NLRP1: variants seen among roughly 807,000 people sequenced by gnomAD.
NLRP1 encodes the protein NACHT, LRR and PYD domains-containing protein 1.
Under a neutral mutation model 136.7 loss-of-function variants are expected in NLRP1, and 94 were observed. The observed-to-expected ratio is 0.69, with a 90% CI of 0.58 to 0.82. The LOEUF (loss-of-function observed/expected upper bound fraction) is 0.82, where lower values mean the gene tolerates loss of function less well. Among genes scored for constraint, NLRP1 ranks in the 40% least tolerant of loss-of-function variants. The pLI, the probability that NLRP1 is intolerant of heterozygous loss-of-function variation, is 0.00. For synonymous variants in NLRP1, 690 were observed against 725.1 expected, an observed-to-expected ratio of 0.95 and a Z score of 0.78; for missense variants, 1,575 against 1,802.7, an observed-to-expected ratio of 0.87 and a Z score of 2.29.
intron 8 of NLRP1, 90 bp from the exon 9 acceptor site, chr17:5,534,078 C>T (rs1235288589): frequency 9.9e-6 from 9 of 913,380 alleles, no homozygotes; most frequent in Admixed American, 1.7e-5. Flanking sequence ...AACTCCTCCT[C>T]GGGTCGGGTG....
chr17:5,553,630 C>G lies in NLRP1; in HGVS notation c.2358-74G>C, dbSNP rs1383188958. 26 of 1,390,432 alleles carry G rather than the reference C, an allele frequency of 1.9e-5. No homozygotes were observed. In the East Asian group the frequency reaches 6.0e-4, roughly 32 times the overall value. 86.1% of individuals were successfully genotyped at this position (1,390,432 alleles called of 1,614,324 possible). A position where few individuals can be genotyped will look rare whatever the true frequency, so the allele number is the denominator to read the frequency against. On this transcript the variant is annotated intron_variant, in intron 4 of 16. Transcript: ENST00000572272. ...GTTTGAGGTGCCCAGCCCTGCACAACACAGTTGGGCTTTGTCCCCCTGAGC... is the reference window on the plus strand; with the variant it reads ...GTTTGAGGTGCCCAGCCCTGCACAAGACAGTTGGGCTTTGTCCCCCTGAGC...
Position 5,541,959 on chromosome 17 carries a change from G to A in NLRP1, c.2597C>T (p.Thr866Ile). Residue 866 changes from threonine (T) to isoleucine (I), a missense_variant, in exon 6 of 17, where the codon ACC (threonine) becomes ATC (isoleucine). Coordinates refer to ENST00000572272, the MANE Select transcript of NLRP1 (RefSeq NM_033004.4). This position sits in a 1 kb window ranked among gnomAD's most constrained non-coding sequence, Gnocchi z 4.2. ...GAAGCTCAGGTCCAGCTCGGTCAGG[G>A]TCTGGTTGGCTCTCAGCCCAAAGGC... is the stretch of plus-strand genomic sequence containing the variant. ...DLAFGLRANQ[T>I]LTELDLSFNV... The A allele has an allele frequency of 1.9e-6, 3 of 1,614,138 alleles. 1 individual carries two copies. The African/African-American group carries it at 4.0e-5, about 22-fold the overall frequency.
downstream of NLRP1, among the ~76,000 whole-genome samples, chr17:5,511,617 C>G (rs889652919): frequency 2.0e-5 from 3 of 152,032 alleles, no homozygotes. Context: ...CGGCAACTAA[C>G]GTGAGGACTT....
intron 5 of NLRP1, among the ~76,000 whole-genome samples, chr17:5,547,582 T>C (rs1370702644): frequency 6.6e-6 from 1 of 152,198 alleles, no homozygotes; most frequent in Admixed American, 6.5e-5. Context: ...TGGAGTTGTT[T>C]GGGTTTGAGA....
At chr17:5,579,230 T>G (rs1416732941) in intron 3 of NLRP1, among the ~76,000 whole-genome samples, 1 of 150,832 alleles carries the variant, frequency 6.6e-6, no homozygotes, top group Admixed American at 6.6e-5. Context: ...CTGCATGTTG[T>G]GCACATGTAC....
chr17:5,558,830 A>G lies in NLRP1; in HGVS notation c.1866T>C (p.Ile622=), dbSNP rs1819767676. Reference sequence around the variant, plus strand: ...CAAAGAACTCTTGGAAACAGAGGTGAATGAAGCTGTAGCTCAGAGGGATGG... The same window carrying G: ...CAAAGAACTCTTGGAAACAGAGGTGGATGAAGCTGTAGCTCAGAGGGATGG... The part of the protein sequence containing the change: ...EHPIPLSYSF[I]HLCFQEFFAA... Residue 622 remains isoleucine, a synonymous_variant, in exon 4 of 17, where the codon ATT becomes ATC. Transcript: ENST00000572272. 6.2e-7 allele frequency: 1 copy of G among 1,614,096 alleles called. No homozygotes were observed. The highest frequency in any genetic ancestry group is 1.7e-5 in the Admixed American group (1 of 60,008).
intron 14 of NLRP1, among the ~76,000 whole-genome samples, chr17:5,520,178 T>C (rs1908721177): frequency 6.6e-6 from 1 of 152,168 alleles, no homozygotes; most frequent in Non-Finnish European, 1.5e-5. Flanking sequence ...TTGTATTAGC[T>C]GTTTATGACC....
intron 14 of NLRP1, 67 bp downstream of exon 14, chr17:5,520,814 C>G: frequency 7.0e-7 from 1 of 1,422,566 alleles, no homozygotes; most frequent in Non-Finnish European, 9.4e-7. Flanking sequence ...TGAGACCTGC[C>G]CCACAGGCAT....
chr17:5,540,488 G>C (rs1911729400), intron 6 of NLRP1, among the ~76,000 whole-genome samples: 1 of 152,118 alleles, frequency 6.6e-6, no homozygotes, highest in Non-Finnish European at 1.5e-5. Flanking sequence ...TGCAGTCCAA[G>C]CTTGTAAATG....
Position 5,572,713 on chromosome 17 carries a change from A to G in NLRP1, c.652+9146T>C, listed in dbSNP as rs1052334745. On this transcript the variant is annotated intron_variant, in intron 3 of 16. Transcript: ENST00000572272. ...TGACAGTGTGATACTTTGTCTCAGA[A>G]AAAAAAAAAAAAAAAAGTGGACAAA... is the stretch of plus-strand genomic sequence containing the variant. 9.4e-3 allele frequency among the ~76,000 whole-genome samples: 241 copies of G among 25,746 alleles called. 1 individual carries two copies. The highest frequency in any genetic ancestry group is 0.025 in the Middle Eastern group (1 of 40). The allele number at this position is 25,746 out of a possible 152,430, so 16.9% of individuals were successfully genotyped here. A position where few individuals can be genotyped will look rare whatever the true frequency, so the allele number is the denominator to read the frequency against.
chr17:5,501,746 ACTCAGGC>A, exon 16 of NLRP1: 1 of 1,321,428 alleles, frequency 7.6e-7, no homozygotes, highest in Admixed American at 1.7e-5. Context: ...CCTGCGGTCT[ACTCAGGC>A]CTCCTTGTCA....
chr17:5,571,094 T>C (rs77077561), intron 3 of NLRP1, among the ~76,000 whole-genome samples: 2,700 of 152,216 alleles, frequency 0.018, 73 homozygotes, highest in African/African-American at 0.062. Flanking sequence ...AAACTAGACA[T>C]TGAAGGAGCA....
chr17:5,570,965 A>G (rs1455255377), intron 3 of NLRP1, among the ~76,000 whole-genome samples: 1 of 152,210 alleles, frequency 6.6e-6, no homozygotes, highest in East Asian at 1.9e-4. Flanking sequence ...ACATATGCAA[A>G]TCAATAAATG....
rs772408655 is a variant in NLRP1, at chr17:5,532,002, G to GT, written c.3296+819_3296+820insA. Among the ~76,000 whole-genome samples, 132 of 152,336 alleles carry GT rather than the reference G, an allele frequency of 8.7e-4. 2 individuals are homozygous for GT. Among genetic ancestry groups the GT allele is most frequent in the Non-Finnish European group, 1.4e-3 (95 of 68,032 alleles). Reference sequence around the variant, plus strand: ...TCACGCCTGTAATCCCAGCACTTTGGGAGGCTGAGGAAGGTGGATCGTCTG... The same window carrying GT: ...TCACGCCTGTAATCCCAGCACTTTGGTGAGGCTGAGGAAGGTGGATCGTCTG... On this transcript the variant is annotated intron_variant, in intron 11 of 16. Coordinates refer to ENST00000572272, the MANE Select transcript of NLRP1 (RefSeq NM_033004.4).
At chr17:5,540,637 G>A (rs543264683) in intron 6 of NLRP1, among the ~76,000 whole-genome samples, 9 of 152,304 alleles carry the variant, frequency 5.9e-5, no homozygotes, top group South Asian at 2.1e-4. Context: ...GAATCTCTCC[G>A]AGATCCAATC....
chr17:5,539,428 G>T lies in NLRP1; in HGVS notation c.2857C>A (p.Leu953Ile), dbSNP rs1325431899. ...ACAGGGCCTTACCCCAGGCGTATGAGTTTGCAGGCAGGATGCCTGAGCCCC... is the reference window on the plus strand; with the variant it reads ...ACAGGGCCTTACCCCAGGCGTATGATTTTGCAGGCAGGATGCCTGAGCCCC... ...CEGLRHPACK[L>I]IRLGLDQTTL... The change falls in exon 7 of 17, where the codon CTC becomes ATC. Residue 953 changes from leucine to isoleucine, a missense_variant. Leu to Ile is a conservative substitution (Grantham distance 5, BLOSUM62 2). Coordinates refer to ENST00000572272, the MANE Select transcript of NLRP1 (RefSeq NM_033004.4). 2 of 1,613,262 alleles carry T rather than the reference G, an allele frequency of 1.2e-6. No individual in the cohort carries two copies. Among genetic ancestry groups the T allele is most frequent in the Non-Finnish European group, 1.7e-6 (2 of 1,179,548 alleles).
At chr17:5,578,240 A>G (rs1567672769) in intron 3 of NLRP1, among the ~76,000 whole-genome samples, 1 of 152,376 alleles carries the variant, frequency 6.6e-6, no homozygotes, top group East Asian at 1.9e-4. Context: ...CAATGGCAAC[A>G]AAAGCCAAAA....
At chr17:5,530,308 G>A (rs1446617194) in intron 12 of NLRP1, among the ~76,000 whole-genome samples, 173 bp downstream of exon 12, 1 of 152,164 alleles carries the variant, frequency 6.6e-6, no homozygotes, top group Admixed American at 6.5e-5. Context: ...GTTTCAAAAA[G>A]ATAAGTCCAG....
chr17:5,539,600 C>G lies in NLRP1; in HGVS notation c.2700-15G>C. On this transcript the variant is annotated splice_polypyrimidine_tract_variant and intron_variant, in intron 6 of 16. Transcript: ENST00000572272. ...AGCTGACCAGCCTGCAGGAAAGATACACGCCAGCCCAGGTCATTGTCCTAA... is the reference window on the plus strand; with the variant it reads ...AGCTGACCAGCCTGCAGGAAAGATAGACGCCAGCCCAGGTCATTGTCCTAA... 1 of 1,594,258 alleles carries G rather than the reference C, an allele frequency of 6.3e-7. No individual in the cohort carries two copies. Among genetic ancestry groups the G allele is most frequent in the Admixed American group, 1.7e-5 (1 of 57,282 alleles).
Sources: gnomAD v4.1 joint callset for allele counts (sites outside exome capture counted in the v4.1 genomes callset) on GRCh38, gnomAD v4.1.1 for gene constraint, Gnocchi (gnomAD v3.1) non-coding constraint, MANE v1.5 for transcripts, NCBI Gene and HGNC (gene_info 2026-07-23, HGNC 2026-07-21) for gene names.